Variants in APBB1IP observed in about 807,000 individuals in gnomAD.
The protein encoded by APBB1IP is amyloid beta A4 precursor protein-binding family B member 1-interacting protein.
In APBB1IP, 27 loss-of-function variants were observed where a neutral mutation model predicts 64.9. That is an observed-to-expected ratio of 0.42 (90% confidence interval 0.31 to 0.57). The LOEUF is 0.57. APBB1IP is among the 20% of genes least tolerant of loss of function. The pLI is 0.20. For synonymous variants in APBB1IP, 392 were observed against 331.0 expected (o/e 1.18, Z -2.00); for missense variants, 812 against 845.5 (o/e 0.96, Z 0.49).
chr10:26,527,854 G>A (rs150066168), intron 8 of APBB1IP, among the ~76,000 whole-genome samples: 25 of 151,996 alleles, frequency 1.6e-4, no homozygotes, highest in African/African-American at 3.6e-4. Flanking sequence ...CACCAGGCCC[G>A]GCTAATTTTG....
chr10:26,460,172 G>A (rs1352293069), intron 2 of APBB1IP, among the ~76,000 whole-genome samples: 1 of 152,140 alleles, frequency 6.6e-6, no homozygotes, highest in Non-Finnish European at 1.5e-5. Flanking sequence ...ACTGAGCACA[G>A]TAACAAATAA....
chr10:26,530,181 C>T (rs1836530743), intron 8 of APBB1IP, among the ~76,000 whole-genome samples: 1 of 151,628 alleles, frequency 6.6e-6, no homozygotes, highest in South Asian at 2.1e-4. Flanking sequence ...ATTCACATTG[C>T]TGTGCTAGAT....
intron 11 of APBB1IP, among the ~76,000 whole-genome samples, chr10:26,543,346 A>T (rs1159469637): frequency 2.0e-5 from 3 of 151,788 alleles, no homozygotes; most frequent in African/African-American, 7.3e-5. Context: ...GCACGCCTTT[A>T]GTCCCGCTAC....
At chr10:26,512,655 A>G (rs1012376529) in intron 7 of APBB1IP, among the ~76,000 whole-genome samples, 1 of 152,130 alleles carries the variant, frequency 6.6e-6, no homozygotes, top group African/African-American at 2.4e-5. Flanking sequence ...CACCGAAGCT[A>G]CAGTGCAATG....
chr10:26,486,501 A>T (rs1425854949), intron 2 of APBB1IP, among the ~76,000 whole-genome samples: 1 of 152,184 alleles, frequency 6.6e-6, no homozygotes, highest in Admixed American at 6.5e-5. Context: ...TGGGAAGAGA[A>T]TGCATGAAGG....
intron 5 of APBB1IP, chr10:26,501,859 G>A (rs997752243): frequency 2.0e-5 from 3 of 151,932 alleles, no homozygotes; most frequent in Non-Finnish European, 4.4e-5. Context: ...AAGACCCTAG[G>A]GACCCCGAAA....
Position 26,560,732 on chromosome 10 carries a change from TG to T in APBB1IP, c.1260del (p.Lys421ArgfsTer235). ...WVMGIRIAKY[G>X]KTLYDNYQRA... ...CTTCCTTTGTGTTCTCTCCCCAGTA[TG>T]GGAAGACTCTCTATGATAACTACCA... On this transcript the variant is annotated frameshift_variant, in exon 13 of 15. Coordinates refer to ENST00000376236, the MANE Select transcript of APBB1IP (RefSeq NM_019043.4). LOFTEE classifies it high-confidence loss of function. The T allele has an allele frequency of 6.3e-7, 1 of 1,585,948 alleles. No homozygotes were observed. Among genetic ancestry groups the T allele is most frequent in the Non-Finnish European group, 8.6e-7 (1 of 1,166,504 alleles).
chr10:26,471,771 G>C (rs1336000828), intron 2 of APBB1IP, among the ~76,000 whole-genome samples: 1 of 151,936 alleles, frequency 6.6e-6, no homozygotes, highest in Non-Finnish European at 1.5e-5. Flanking sequence ...TGCAACCTCC[G>C]CCTCCTGGGT....
intron 11 of APBB1IP, among the ~76,000 whole-genome samples, chr10:26,542,059 C>T (rs1462343381): frequency 6.6e-6 from 1 of 152,108 alleles, no homozygotes; most frequent in Non-Finnish European, 1.5e-5. Context: ...TCCTAGACAA[C>T]TTATAGAAAA....
chr10:26,521,681 A>T (rs1836403286), intron 8 of APBB1IP, among the ~76,000 whole-genome samples: 1 of 152,020 alleles, frequency 6.6e-6, no homozygotes, highest in African/African-American at 2.4e-5. Flanking sequence ...AGTTTGAAAA[A>T]CCATGTGCCA....
intron 11 of APBB1IP, among the ~76,000 whole-genome samples, chr10:26,543,034 C>G (rs1270941605): frequency 6.7e-6 from 1 of 150,086 alleles, no homozygotes; most frequent in East Asian, 1.9e-4. Flanking sequence ...AAAGACTTCT[C>G]TGGCCCCCAA....
At chr10:26,563,385 C>T (rs1836998731) in intron 14 of APBB1IP, among the ~76,000 whole-genome samples, 1 of 152,118 alleles carries the variant, frequency 6.6e-6, no homozygotes, top group South Asian at 2.1e-4. Flanking sequence ...AAGGGTTACA[C>T]TAAAAATGTG....
At chr10:26,566,265 T>G (rs10829025) in intron 14 of APBB1IP, among the ~76,000 whole-genome samples, 10,195 of 151,826 alleles carry the variant, frequency 0.067, 423 homozygotes, top group African/African-American at 0.12. Context: ...AAAATATATA[T>G]AGAGAGAGAG....
intron 11 of APBB1IP, among the ~76,000 whole-genome samples, chr10:26,551,920 T>C (rs1836835073): frequency 7.7e-6 from 1 of 129,806 alleles, no homozygotes; most frequent in Non-Finnish European, 1.6e-5. Context: ...GATGGACAGA[T>C]GGGTGGGTGG....
In APBB1IP at chr10:26,560,219, G is replaced by T; in HGVS notation, c.1254+16G>T. The T allele has an allele frequency of 6.2e-7, 1 of 1,609,828 alleles. No homozygotes were observed. The highest frequency in any genetic ancestry group is 8.5e-7 in the Non-Finnish European group (1 of 1,176,158). ...GATAGCCAAGGTGAGAGAGCGTTCG[G>T]ACTTCACCCTGTCTTGAACTTGCCA... On this transcript the variant is annotated intron_variant, in intron 12 of 14. Coordinates refer to ENST00000376236, the MANE Select transcript of APBB1IP (RefSeq NM_019043.4).
chr10:26,458,828 T>C (rs1324635031), intron 2 of APBB1IP, among the ~76,000 whole-genome samples: 1 of 152,224 alleles, frequency 6.6e-6, no homozygotes, highest in Non-Finnish European at 1.5e-5. Flanking sequence ...TGTTCTGTTT[T>C]AATTATTGTC....
intron 11 of APBB1IP, among the ~76,000 whole-genome samples, chr10:26,551,927 GTGGATGGATGGA>G (rs59758757): frequency 1.5e-4 from 23 of 149,972 alleles, no homozygotes; most frequent in African/African-American, 2.2e-4. Context: ...AGATGGGTGG[GTGGATGGATGGA>G]TGGATGGATG....
At chr10:26,459,090 TC>T (rs1835560960) in intron 2 of APBB1IP, among the ~76,000 whole-genome samples, 1 of 66,644 alleles carries the variant, frequency 1.5e-5, no homozygotes, top group African/African-American at 6.2e-5. Context: ...CCCTCCCCCC[TC>T]CCCCCACCCC....
At chr10:26,524,986 A>G (rs1314679777) in intron 8 of APBB1IP, among the ~76,000 whole-genome samples, 1 of 73,768 alleles carries the variant, frequency 1.4e-5, no homozygotes, top group African/African-American at 4.2e-5. Context: ...TAAAAAAAGG[A>G]ATCCTGGCAA....
Sources: gnomAD v4.1 joint callset for allele counts (sites outside exome capture counted in the v4.1 genomes callset) on GRCh38, gnomAD v4.1.1 for gene constraint, MANE v1.5 for transcripts, NCBI Gene and HGNC (gene_info 2026-07-23, HGNC 2026-07-21) for gene names.